FBN3: variants seen among roughly 807,000 people sequenced by gnomAD.
FBN3 encodes fibrillin-3.
A neutral mutation model predicts 330.1 loss-of-function variants in FBN3; 234 were observed. That is an observed-to-expected ratio of 0.71 (90% CI 0.64 to 0.79). The LOEUF (loss-of-function observed/expected upper bound fraction) is 0.79. Ranked by LOEUF, FBN3 falls within the 30% of genes least tolerant of loss-of-function variation. The pLI is 0.00. For synonymous variants in FBN3, 1,458 were observed against 1,517.3 expected, an observed-to-expected ratio of 0.96 and a Z score of 0.91; for missense variants, 3,606 against 3,886.9, an observed-to-expected ratio of 0.93 and a Z score of 1.92.
At chr19:8,086,127 A>AGTGGGGGGGGACAGGCC (rs2144659976) in intron 55 of FBN3, 73 bp downstream of exon 55, 1 of 856,232 alleles carries the variant, frequency 1.2e-6, no homozygotes, top group African/African-American at 4.2e-5. Flanking sequence ...GGGAACAGGC[A>AGTGGGGGGGGACAGGCC]GTGGGGGGGG....
intron 14 of FBN3, among the ~76,000 whole-genome samples, chr19:8,132,553 G>A (rs572510531): frequency 2.6e-4 from 40 of 151,788 alleles, no homozygotes; most frequent in African/African-American, 9.2e-4. Context: ...GTGCAATGGC[G>A]CGATCTCGGC....
At chr19:8,108,144 G>A (rs747774316) in intron 37 of FBN3, 26 bp downstream of exon 37, 22 of 1,602,412 alleles carry the variant, frequency 1.4e-5, no homozygotes, top group Non-Finnish European at 1.9e-5. Flanking sequence ...GCAGACAGAT[G>A]GATGGATGAT....
Position 8,089,709 on chromosome 19 carries a change from C to T in FBN3, c.6251-39G>A, listed in dbSNP as rs750100174. ...GCGTTGCAGACATGGCTTCTGTCAC[C>T]ACACAATCGCCAGAGCCCTGGCCAC... On this transcript the variant is annotated intron_variant, in intron 50 of 63. Transcript: ENST00000600128. 15 of 1,609,876 alleles carry T rather than the reference C, an allele frequency of 9.3e-6. No individual in the cohort carries two copies. The East Asian group carries it at 2.7e-4, about 29-fold the overall frequency.
chr19:8,116,732 AC>A lies in FBN3; in HGVS notation c.3653del (p.Gly1218ValfsTer16), dbSNP rs762115991. On this transcript the variant is annotated frameshift_variant, in exon 29 of 64. Coordinates refer to ENST00000600128, the MANE Select transcript of FBN3 (RefSeq NM_032447.5). LOFTEE classifies it high-confidence loss of function. Reference protein sequence around the residue: ...DQGHCTNMPGGHRCLCYDGFM... With the variant: ...DQGHCTNMPGXHRCLCYDGFM... ...AGCCATCATAGCACAGGCAGCGGTGACCCCCTGGCATGTTGGTGCAGTGGCC... is the reference window on the plus strand; with the variant it reads ...AGCCATCATAGCACAGGCAGCGGTGACCCCTGGCATGTTGGTGCAGTGGCC... 161 of 1,613,470 alleles carry A rather than the reference AC, an allele frequency of 1.0e-4. No individual in the cohort carries two copies. Among genetic ancestry groups the A allele is most frequent in the Non-Finnish European group, 1.3e-4 (149 of 1,179,914 alleles).
intron 51 of FBN3, 58 bp from the exon 52 acceptor site, chr19:8,088,237 A>C: frequency 6.5e-7 from 1 of 1,530,726 alleles, no homozygotes; most frequent in South Asian, 1.3e-5. Flanking sequence ...CCTCAGTAGC[A>C]TCCCATCTGC....
chr19:8,071,795 G>A (rs1440770448), intron 63 of FBN3, among the ~76,000 whole-genome samples: 5 of 152,072 alleles, frequency 3.3e-5, no homozygotes, highest in African/African-American at 4.8e-5. Context: ...TATGGAAGAC[G>A]CCTGACTTGT....
intron 24 of FBN3, among the ~76,000 whole-genome samples, chr19:8,123,119 CGAG>C (rs1182642166): frequency 6.6e-6 from 1 of 151,696 alleles, no homozygotes; most frequent in East Asian, 2.0e-4. Flanking sequence ...TTTGGGAGGC[CGAG>C]GTGGGCGGAT....
intron 36 of FBN3, among the ~76,000 whole-genome samples, chr19:8,108,903 C>T (rs1335186504): frequency 6.6e-6 from 1 of 152,160 alleles, no homozygotes; most frequent in Non-Finnish European, 1.5e-5. Flanking sequence ...GGAGAAGCAG[C>T]GTGCAGAGGC....
At chr19:8,139,648 G>A (rs2083367778) in intron 8 of FBN3, among the ~76,000 whole-genome samples, 1 of 151,862 alleles carries the variant, frequency 6.6e-6, no homozygotes, top group Admixed American at 6.6e-5. Flanking sequence ...GTGGATTGAC[G>A]GCTACAGCCC....
Position 8,103,660 on chromosome 19 carries a change from C to A in FBN3, c.4841G>T (p.Gly1614Val), listed in dbSNP as rs1568399248. The A allele has an allele frequency of 6.2e-7, 1 of 1,613,534 alleles. No homozygotes were observed. Among genetic ancestry groups the A allele is most frequent in the South Asian group, 1.1e-5 (1 of 91,076 alleles). The change falls in exon 39 of 64, where the codon GGC (glycine) becomes GTC (valine). Residue 1614 changes from glycine (G) to valine (V), a missense_variant. Physicochemically the swap from Gly to Val is moderately radical, Grantham distance 109. Coordinates refer to ENST00000600128, the MANE Select transcript of FBN3 (RefSeq NM_032447.5). ...GTAGCAGGTGCCAGGGCCACAGATG[C>A]CGGAGTGTGTGGAGCATTCGTCAAT... is the stretch of plus-strand genomic sequence containing the variant. Reference protein sequence around the residue: ...EDIDECSTHSGICGPGTCYNT... With the variant: ...EDIDECSTHSVICGPGTCYNT...
At chr19:8,118,600 C>G (rs1423366832) in intron 26 of FBN3, among the ~76,000 whole-genome samples, 1 of 142,062 alleles carries the variant, frequency 7.0e-6, no homozygotes, top group Non-Finnish European at 1.5e-5. Context: ...CATACAAACA[C>G]TCCCCCTTGT....
rs1568356170 is a variant in FBN3, at chr19:8,075,357, T to C, written c.7508A>G (p.His2503Arg). 6.2e-7 allele frequency: 1 copy of C among 1,614,170 alleles called. No homozygotes were observed. Residue 2503 changes from histidine (H) to arginine (R), a missense_variant, in exon 60 of 64, where the codon CAC becomes CGC. Coordinates refer to ENST00000600128, the MANE Select transcript of FBN3 (RefSeq NM_032447.5). The stretch of plus-strand genomic sequence containing the variant: ...ACAGCGGAAGCTGCCCGGGGTGTTG[T>C]GGCAGTGCCCGTGGGCACCACATGG... ...PGPCGAHGHC[H>R]NTPGSFRCEC...
chr19:8,136,861 ACCTGGATCCCTCCAACCTGGG>A (rs1568450712), intron 10 of FBN3, among the ~76,000 whole-genome samples: 4 of 90,174 alleles, frequency 4.4e-5, no homozygotes, highest in Non-Finnish European at 6.5e-5. Flanking sequence ...CCAACCTGGG[ACCTGGATCCCTCCAACCTGGG>A]CCTGGATCCC....
intron 5 of FBN3, among the ~76,000 whole-genome samples, chr19:8,145,218 A>G (rs148782641): frequency 0.017 from 2,545 of 152,202 alleles, 144 homozygotes; most frequent in East Asian, 0.098. Context: ...TACTAAAAAT[A>G]CAAAAATTAG....
chr19:8,135,936 G>GGGGGGGGGGGGGGGGGCCGCCCCC, intron 13 of FBN3, 25 bp downstream of exon 13: 2 of 668,778 alleles, frequency 3.0e-6, no homozygotes, highest in East Asian at 3.9e-5. Context: ...GGAAGCCCCT[G>GGGGGGGGGGGGGGGGGCCGCCCCC]CCCACCCGCC....
At chr19:8,108,275 TG>T (rs1568405515) in intron 36 of FBN3, 37 bp from the exon 37 acceptor site, 1 of 1,560,832 alleles carries the variant, frequency 6.4e-7, no homozygotes, top group Non-Finnish European at 8.7e-7. Context: ...GGTGGGGTAT[TG>T]GGGCAAAGCT....
At chr19:8,090,632 T>C (rs2082076891) in intron 48 of FBN3, among the ~76,000 whole-genome samples, 1 of 151,912 alleles carries the variant, frequency 6.6e-6, no homozygotes, top group Non-Finnish European at 1.5e-5. Context: ...TACAGGCATG[T>C]GCCACCACAC....
In FBN3 at chr19:8,117,515, A is replaced by G. The variant is rs1328685803; in HGVS notation, c.3412T>C (p.Cys1138Arg). The G allele has an allele frequency of 1.3e-6, 2 of 1,558,892 alleles. No individual in the cohort carries two copies. Among genetic ancestry groups the G allele is most frequent in the Admixed American group, 1.9e-5 (1 of 52,122 alleles). ...CTCTGGAAGCCGGCATGGCAGGAGC[A>G]CTGGAAGGCACCGATGACATTGACA... ...QCVNVIGAFQ[C>R]SCHAGFQSTP... The change falls in exon 27 of 64, where the codon TGC becomes CGC. Residue 1138 changes from cysteine (C) to arginine (R), a missense_variant. Physicochemically the swap from Cys to Arg is radical, Grantham distance 180. Transcript: ENST00000600128.
At chr19:8,135,936 G>GGGGGGGGGGGGCGGCCCCC in intron 13 of FBN3, 25 bp downstream of exon 13, 1 of 668,778 alleles carries the variant, frequency 1.5e-6, no homozygotes, top group Non-Finnish European at 2.4e-6. Context: ...GGAAGCCCCT[G>GGGGGGGGGGGGCGGCCCCC]CCCACCCGCC....
Sources: allele counts gnomAD v4.1 joint callset (sites outside exome capture counted in the v4.1 genomes callset), GRCh38; gene constraint gnomAD v4.1.1; transcripts MANE v1.5; gene names NCBI Gene and HGNC (gene_info 2026-07-23, HGNC 2026-07-21).